Variants in KCNH1 observed in about 807,000 individuals in gnomAD.
KCNH1 encodes the protein potassium voltage-gated channel subfamily H member 1.
A neutral mutation model predicts 69.2 loss-of-function variants in KCNH1; 27 were observed. The observed-to-expected ratio is 0.39, with a 90% CI of 0.29 to 0.54. The LOEUF (loss-of-function observed/expected upper bound fraction) is 0.54. Ranked by LOEUF, KCNH1 falls within the 20% of genes least tolerant of loss-of-function variation. The probability of loss-of-function intolerance (pLI) is 0.68; values close to 1 mark genes in which losing one functional copy is unlikely to be tolerated. For synonymous variants in KCNH1, 456 were observed against 487.7 expected, an observed-to-expected ratio of 0.93 and a Z score of 0.86; for missense variants, 798 against 1,261.6, an observed-to-expected ratio of 0.63 and a Z score of 5.57.
intron 7 of KCNH1, among the ~76,000 whole-genome samples, chr1:210,905,475 G>T (rs557987296): frequency 8.3e-4 from 127 of 152,196 alleles, no homozygotes; most frequent in African/African-American, 3.0e-3. Context: ...GATCCAAATG[G>T]TCAATATAGA....
At chr1:211,118,215 GCACACACATAC>G (rs1691619063) in intron 1 of KCNH1, among the ~76,000 whole-genome samples, 1 of 152,144 alleles carries the variant, frequency 6.6e-6, no homozygotes, top group Non-Finnish European at 1.5e-5. Flanking sequence ...TGCTATTGAT[GCACACACATAC>G]CACACACGTA....
At chr1:211,043,858 G>T (rs1165550285) in intron 5 of KCNH1, among the ~76,000 whole-genome samples, 8 of 152,264 alleles carry the variant, frequency 5.3e-5, no homozygotes, top group Non-Finnish European at 1.5e-5. Context: ...CATCTCAACA[G>T]ACACAGAAAA....
intron 10 of KCNH1, among the ~76,000 whole-genome samples, chr1:210,733,996 A>T (rs1682809162): frequency 6.6e-6 from 1 of 150,420 alleles, no homozygotes; most frequent in African/African-American, 2.5e-5. Context: ...CACAGCCCTC[A>T]GAAGTCACAC....
chr1:210,797,852 C>T (rs776615311), intron 8 of KCNH1, 92 bp from the exon 9 acceptor site: 59 of 1,407,576 alleles, frequency 4.2e-5, no homozygotes, highest in African/African-American at 3.4e-4. Flanking sequence ...GCAACATCCA[C>T]TACGCCAGAC....
At chr1:210,823,407 G>C (rs978426726) in intron 7 of KCNH1, among the ~76,000 whole-genome samples, 1 of 152,164 alleles carries the variant, frequency 6.6e-6, no homozygotes, top group African/African-American at 2.4e-5. Flanking sequence ...GTAGCCAGTG[G>C]AACTCAGCTG....
At chr1:211,120,563 A>G (rs1691667691) in intron 1 of KCNH1, among the ~76,000 whole-genome samples, 1 of 152,168 alleles carries the variant, frequency 6.6e-6, no homozygotes, top group African/African-American at 2.4e-5. Flanking sequence ...TATTATAGAC[A>G]ATTTGAACAA....
Position 210,804,180 on chromosome 1 carries a change from G to A in KCNH1, c.1463-14C>T. On this transcript the variant is annotated splice_polypyrimidine_tract_variant and intron_variant, in intron 7 of 10. Transcript: ENST00000271751. ...CATAGAGAAGTGCTAGAGGTGAGGA[G>A]GAGGAGCAAAAGAAGAAATAACAAG... The A allele has an allele frequency of 6.3e-7, 1 of 1,597,694 alleles. No individual in the cohort carries two copies. Among genetic ancestry groups the A allele is most frequent in the Non-Finnish European group, 8.5e-7 (1 of 1,170,692 alleles).
intron 10 of KCNH1, among the ~76,000 whole-genome samples, chr1:210,745,639 C>T (rs561775133): frequency 6.6e-6 from 1 of 152,316 alleles, no homozygotes; most frequent in Non-Finnish European, 1.5e-5. Flanking sequence ...TCAAATCACA[C>T]TGGGGAACTA....
chr1:210,835,215 C>G (rs1259764397), intron 7 of KCNH1, among the ~76,000 whole-genome samples: 1 of 152,176 alleles, frequency 6.6e-6, no homozygotes, highest in Non-Finnish European at 1.5e-5. Flanking sequence ...AAGGTAAGGT[C>G]TCTTTGATCT....
intron 5 of KCNH1, among the ~76,000 whole-genome samples, chr1:211,074,883 G>T (rs999368129): frequency 6.6e-6 from 1 of 152,084 alleles, no homozygotes; most frequent in African/African-American, 2.4e-5. Flanking sequence ...TGTGAATTTC[G>T]GACACAAGCA....
chr1:211,125,824 T>C (rs1308573948), intron 1 of KCNH1, among the ~76,000 whole-genome samples: 1 of 152,230 alleles, frequency 6.6e-6, no homozygotes, highest in Non-Finnish European at 1.5e-5. Flanking sequence ...AATTATAGGA[T>C]TGACTCAGTT....
At chr1:211,112,393 C>T (rs906240131) in intron 1 of KCNH1, among the ~76,000 whole-genome samples, 16 of 151,562 alleles carry the variant, frequency 1.1e-4, no homozygotes, top group Admixed American at 4.6e-4. Flanking sequence ...CTCCTCTGCC[C>T]CGCCGCTGTG....
At chr1:210,793,340 A>G (rs1277552361) in intron 9 of KCNH1, among the ~76,000 whole-genome samples, 1 of 152,204 alleles carries the variant, frequency 6.6e-6, no homozygotes, top group Non-Finnish European at 1.5e-5. Flanking sequence ...TTTTTTAATG[A>G]AAGAGAACAT....
rs11578347 is a variant in KCNH1, at chr1:211,000,155, G to C, written c.1032+18628C>G. 4.6e-5 allele frequency among the ~76,000 whole-genome samples: 7 copies of C among 152,278 alleles called. No homozygotes were observed. In the East Asian group the frequency reaches 7.7e-4, roughly 17 times the overall value. On this transcript the variant is annotated intron_variant, in intron 6 of 10. Coordinates refer to ENST00000271751, the MANE Select transcript of KCNH1 (RefSeq NM_172362.3). ...CCTATTCAACATAGTGTTGGAAGTT[G>C]TGGCCAGGGCAATCAGGCAGGGGAA...
intron 5 of KCNH1, among the ~76,000 whole-genome samples, chr1:211,040,484 T>G (rs1689975767): frequency 6.6e-6 from 1 of 152,186 alleles, no homozygotes; most frequent in African/African-American, 2.4e-5. Flanking sequence ...CATTTTCTCT[T>G]GCTGCCACCA....
intron 10 of KCNH1, among the ~76,000 whole-genome samples, chr1:210,700,526 CTT>C (rs1240124115): frequency 7.2e-5 from 11 of 152,254 alleles, no homozygotes; most frequent in African/African-American, 2.6e-4. Flanking sequence ...CCTGTATTCT[CTT>C]TGTCTTTTTC....
At chr1:211,030,432 A>G (rs1241976169) in intron 5 of KCNH1, among the ~76,000 whole-genome samples, 3 of 152,198 alleles carry the variant, frequency 2.0e-5, no homozygotes, top group African/African-American at 7.2e-5. Flanking sequence ...AGAACAGAAT[A>G]GAGATTCCAG....
chr1:210,740,332 C>G (rs539192921), intron 10 of KCNH1, among the ~76,000 whole-genome samples: 1 of 152,092 alleles, frequency 6.6e-6, no homozygotes, highest in African/African-American at 2.4e-5. Flanking sequence ...TCTTTTCATT[C>G]CCTCCTATCT....
chr1:211,031,402 G>C (rs375277343), intron 5 of KCNH1, among the ~76,000 whole-genome samples: 9 of 152,126 alleles, frequency 5.9e-5, no homozygotes, highest in Non-Finnish European at 1.0e-4. Context: ...ATGAGGCCAG[G>C]ATCATCCTGA....
Sources: allele counts gnomAD v4.1 joint callset (sites outside exome capture counted in the v4.1 genomes callset), GRCh38; gene constraint gnomAD v4.1.1; transcripts MANE v1.5; gene names NCBI Gene and HGNC (gene_info 2026-07-23, HGNC 2026-07-21).